The following RBFOX3 variants were observed in gnomAD, a reference collection of about 807,000 sequenced individuals.
The protein encoded by RBFOX3 is RNA binding protein fox-1 homolog 3.
Under a neutral mutation model 48.7 loss-of-function variants are expected in RBFOX3, and 17 were observed. That is an observed-to-expected ratio of 0.35 (90% CI 0.24 to 0.52). The LOEUF is 0.52. Among genes scored for constraint, RBFOX3 ranks in the 20% least tolerant of loss-of-function variants. The pLI is 0.94. For synonymous variants in RBFOX3, 212 were observed against 209.5 expected, an observed-to-expected ratio of 1.01 and a Z score of -0.10; for missense variants, 382 against 497.5, an observed-to-expected ratio of 0.77 and a Z score of 2.21.
At chr17:79,203,582 G>A (rs1311344925) in intron 4 of RBFOX3, among the ~76,000 whole-genome samples, 8 of 76,744 alleles carry the variant, frequency 1.0e-4, no homozygotes, top group African/African-American at 3.7e-4. Flanking sequence ...GTGGGGGTGG[G>A]TGGAGGGTGA....
intron 2 of RBFOX3, among the ~76,000 whole-genome samples, chr17:79,318,955 A>G (rs2077985595): frequency 6.6e-6 from 1 of 151,718 alleles, no homozygotes; most frequent in Non-Finnish European, 1.5e-5. Context: ...GCACACCAAC[A>G]TGGCACATGT....
rs955062262 is a variant in RBFOX3, at chr17:79,220,272, G to A, written c.-34+15494C>T. 2.0e-5 allele frequency among the ~76,000 whole-genome samples: 3 copies of A among 152,196 alleles called. No homozygotes were observed. Among genetic ancestry groups the A allele is most frequent in the Non-Finnish European group, 2.9e-5 (2 of 68,038 alleles). On this transcript the variant is annotated intron_variant, in intron 4 of 14. Coordinates refer to ENST00000693108, the MANE Select transcript of RBFOX3 (RefSeq NM_001350451.2). This position sits in a 1 kb window ranked among gnomAD's most constrained non-coding sequence, Gnocchi z 5.9. Reference sequence around the variant, plus strand: ...CCCAATCAGGGAAGCGGCCGCTGGCGGCAGGTTGGTGGGGGTAGGGGCTTG... The same window carrying A: ...CCCAATCAGGGAAGCGGCCGCTGGCAGCAGGTTGGTGGGGGTAGGGGCTTG...
intron 2 of RBFOX3, among the ~76,000 whole-genome samples, chr17:79,310,662 C>T (rs2076724453): frequency 6.6e-6 from 1 of 152,206 alleles, no homozygotes; most frequent in Admixed American, 6.5e-5. Context: ...TCCCGCATTC[C>T]CCAGCCTCTG....
At chr17:79,356,840 T>C (rs765643676) in intron 2 of RBFOX3, among the ~76,000 whole-genome samples, 1 of 152,060 alleles carries the variant, frequency 6.6e-6, no homozygotes, top group Non-Finnish European at 1.5e-5. Flanking sequence ...GTTACAAAGG[T>C]GTCAAAAGTG....
At position 79,299,744 on chromosome 17, in the gene RBFOX3, AGAG is replaced by A. The variant is rs1568000583; in HGVS notation, c.-74+7977_-74+7979del. ...TAATCCAAAGTGACTGTTCTCCTGA[AGAG>A]GAGATTAGGACAGACGCAAACAGAG... On this transcript the variant is annotated intron_variant, in intron 3 of 14. Transcript: ENST00000693108. This position sits in a 1 kb window ranked among gnomAD's most constrained non-coding sequence, Gnocchi z 4.5. Among the ~76,000 whole-genome samples, 1 of 152,160 alleles carries A rather than the reference AGAG, an allele frequency of 6.6e-6. No individual in the cohort carries two copies. Among genetic ancestry groups the A allele is most frequent in the Non-Finnish European group, 1.5e-5 (1 of 68,024 alleles).
chr17:79,405,334 G>A (rs2063400491), intron 2 of RBFOX3, among the ~76,000 whole-genome samples: 4 of 152,142 alleles, frequency 2.6e-5, no homozygotes, highest in Admixed American at 2.0e-4. Context: ...TTGAAAGTAA[G>A]CTGCAGACGT....
chr17:79,538,590 T>A (rs1555789359), intron 1 of RBFOX3, among the ~76,000 whole-genome samples: 1 of 152,160 alleles, frequency 6.6e-6, no homozygotes, highest in Non-Finnish European at 1.5e-5. Context: ...TTGAGAATCA[T>A]CCTCGCCAGC....
At chr17:79,216,661 C>A (rs2059095820) in intron 4 of RBFOX3, among the ~76,000 whole-genome samples, 1 of 152,196 alleles carries the variant, frequency 6.6e-6, no homozygotes, top group South Asian at 2.1e-4. Flanking sequence ...GGGACAGGGT[C>A]ACATGCCCAC....
chr17:79,255,525 T>C (rs2064680887), intron 3 of RBFOX3, among the ~76,000 whole-genome samples: 1 of 152,104 alleles, frequency 6.6e-6, no homozygotes. Flanking sequence ...CCTTGAATTG[T>C]CCAAGGGTGG....
Position 79,101,689 on chromosome 17 carries a change from T to G in RBFOX3, c.508-45A>C, listed in dbSNP as rs1333993254. On this transcript the variant is annotated intron_variant, in intron 8 of 14. Coordinates refer to ENST00000693108, the MANE Select transcript of RBFOX3 (RefSeq NM_001350451.2). ...GAGAGAGGAAGAGGGAGGATTAGCC[T>G]CCTGGAAGACCCACTGGCCACTCCT... is the stretch of plus-strand genomic sequence containing the variant. 50 of 1,524,632 alleles carry G rather than the reference T, an allele frequency of 3.3e-5. No homozygotes were observed. In the Admixed American group the frequency reaches 9.6e-4, roughly 29 times the overall value. 94.4% of individuals were successfully genotyped at this position (1,524,632 alleles called of 1,614,324 possible).
chr17:79,612,027 G>A (rs2093973324), upstream of RBFOX3, among the ~76,000 whole-genome samples: 5 of 152,182 alleles, frequency 3.3e-5, no homozygotes, highest in Non-Finnish European at 5.9e-5. Context: ...AGCAGAGGCT[G>A]AGGACACAGT....
At chr17:79,113,596 A>G (rs1599487194) in intron 5 of RBFOX3, among the ~76,000 whole-genome samples, 1 of 152,116 alleles carries the variant, frequency 6.6e-6, no homozygotes, top group South Asian at 2.1e-4. Flanking sequence ...CTGGAGGCTA[A>G]TAACTGGGTG....
At chr17:79,301,580 C>T (rs561648660) in intron 3 of RBFOX3, among the ~76,000 whole-genome samples, 96 of 152,334 alleles carry the variant, frequency 6.3e-4, no homozygotes, top group Middle Eastern at 3.4e-3. Flanking sequence ...AGGAGCACCT[C>T]GCTGGAAAGT....
intron 2 of RBFOX3, among the ~76,000 whole-genome samples, chr17:79,416,984 C>A (rs2065474574): frequency 1.3e-5 from 2 of 152,182 alleles, no homozygotes; most frequent in South Asian, 4.1e-4. Context: ...AGCCCCAGGC[C>A]CCTTGGCATG....
chr17:79,261,109 C>T (rs1352079637), intron 3 of RBFOX3, among the ~76,000 whole-genome samples: 3 of 152,264 alleles, frequency 2.0e-5, no homozygotes, highest in East Asian at 3.9e-4. Context: ...CATACCCCTA[C>T]ACCCCTCCAG....
rs534923135 is a variant in RBFOX3, at chr17:79,375,358, G to GACACACACAC, written c.-174-67544_-174-67535dup. On this transcript the variant is annotated intron_variant, in intron 2 of 14. Transcript: ENST00000693108. ...TGCTGGTCCAGTTAGGAAGACAGAA[G>GACACACACAC]ACACACACACACACACACACACACA... 4.9e-3 allele frequency among the ~76,000 whole-genome samples: 672 copies of GACACACACAC among 136,274 alleles called. 10 individuals carry two copies. Among genetic ancestry groups the GACACACACAC allele is most frequent in the East Asian group, 8.2e-3 (35 of 4,262 alleles). The allele number at this position is 136,274 out of a possible 152,430, so 89.4% of individuals were successfully genotyped here.
At chr17:79,174,427 C>T (rs971119716) in intron 4 of RBFOX3, among the ~76,000 whole-genome samples, 3 of 151,844 alleles carry the variant, frequency 2.0e-5, no homozygotes, top group African/African-American at 7.3e-5. Flanking sequence ...CATGCACTCA[C>T]ACACACTGAC....
the RBFOX3 span, among the ~76,000 whole-genome samples, chr17:79,660,563 A>T: frequency 6.6e-6 from 1 of 152,266 alleles, no homozygotes; most frequent in Non-Finnish European, 1.5e-5. Flanking sequence ...ATCACTGAAC[A>T]TTAGAGACAT....
intron 2 of RBFOX3, among the ~76,000 whole-genome samples, chr17:79,324,743 G>T (rs1297769265): frequency 6.6e-6 from 1 of 152,228 alleles, no homozygotes; most frequent in Non-Finnish European, 1.5e-5. Flanking sequence ...CTGCAGCACG[G>T]CCACAAGCCA....
Sources: gnomAD v4.1 joint callset for allele counts (sites outside exome capture counted in the v4.1 genomes callset) on GRCh38, gnomAD v4.1.1 for gene constraint, Gnocchi (gnomAD v3.1) non-coding constraint, MANE v1.5 for transcripts, NCBI Gene and HGNC (gene_info 2026-07-23, HGNC 2026-07-21) for gene names.